The following CR1 variants were observed in gnomAD, a reference collection of about 807,000 sequenced individuals.
CR1 encodes complement C3b/C4b receptor 1 (Knops blood group).
A neutral mutation model predicts 187.3 loss-of-function variants in CR1; 116 were observed. The ratio of observed to expected loss-of-function variants is 0.62; its 90% CI spans 0.53 to 0.72. The LOEUF (loss-of-function observed/expected upper bound fraction) is 0.72. CR1 is among the 30% of genes least tolerant of loss of function. CR1 has a pLI of 0.00. For synonymous variants in CR1, 576 were observed against 747.1 expected, an observed-to-expected ratio of 0.77 and a Z score of 3.73; for missense variants, 1,731 against 2,110.7, an observed-to-expected ratio of 0.82 and a Z score of 3.52.
chr1:207,609,267 T>G, intron 36 of CR1, 23 bp from the exon 37 acceptor site: 1 of 1,542,132 alleles, frequency 6.5e-7, no homozygotes, highest in South Asian at 1.3e-5. Context: ...TAAGCTGTTT[T>G]ACCATACTCT....
intron 24 of CR1, among the ~76,000 whole-genome samples, chr1:207,567,471 A>G (rs1419433231): frequency 6.7e-6 from 1 of 150,320 alleles, no homozygotes; most frequent in Non-Finnish European, 1.5e-5. Context: ...CAGGATCCTG[A>G]TGAAGGGCTG....
In CR1 at chr1:207,618,057, G is replaced by A; in HGVS notation, c.6890-14G>A. On this transcript the variant is annotated splice_polypyrimidine_tract_variant and intron_variant, in intron 41 of 46. Coordinates refer to ENST00000367049, the MANE Select transcript of CR1 (RefSeq NM_000651.6). Reference sequence around the variant, plus strand: ...AGTGTCTTTTCTTGTGTTTGTGTGGGAACTTGTTCTTAGCCTGCCCACATC... The same window carrying A: ...AGTGTCTTTTCTTGTGTTTGTGTGGAAACTTGTTCTTAGCCTGCCCACATC... 1 of 1,608,360 alleles carries A rather than the reference G, an allele frequency of 6.2e-7. No homozygotes were observed. Among genetic ancestry groups the A allele is most frequent in the Non-Finnish European group, 8.5e-7 (1 of 1,176,852 alleles).
At chr1:207,578,957 T>C (rs1283850351) in intron 29 of CR1, among the ~76,000 whole-genome samples, 1 of 152,200 alleles carries the variant, frequency 6.6e-6, no homozygotes, top group African/African-American at 2.4e-5. Context: ...CAGCCTCAGA[T>C]TCCTAGGCTC....
intron 4 of CR1, 132 bp from the exon 5 acceptor site, chr1:207,523,479 A>C: frequency 6.9e-7 from 1 of 1,443,984 alleles, no homozygotes; most frequent in Non-Finnish European, 9.4e-7. Flanking sequence ...CTTTATAAAA[A>C]TGTACCTATG....
chr1:207,506,840 T>A, intron 3 of CR1, 27 bp downstream of exon 3: 1 of 1,555,256 alleles, frequency 6.4e-7, no homozygotes, highest in Non-Finnish European at 8.9e-7. Context: ...TGAACCAACA[T>A]CTCTTGGTTC....
rs1258857703 is a variant in CR1, at chr1:207,611,762, C to T, written c.6381C>T (p.Tyr2127=). 3 of 1,613,894 alleles carry T rather than the reference C, an allele frequency of 1.9e-6. No individual in the cohort carries two copies. The highest frequency in any genetic ancestry group is 1.1e-5 in the South Asian group (1 of 91,086). Residue 2127 remains tyrosine (Y), a synonymous_variant, in exon 38 of 47, where the codon TAC becomes TAT. Transcript: ENST00000367049. ...DNFSPGQEVF[Y]SCEPSYDLRG... ...TTTCACCTGGGCAGGAAGTGTTCTA[C>T]AGCTGTGAGCCCAGCTATGACCTCA...
chr1:207,514,501 A>G (rs1403979188), intron 4 of CR1, among the ~76,000 whole-genome samples: 1 of 152,152 alleles, frequency 6.6e-6, no homozygotes, highest in Non-Finnish European at 1.5e-5. Flanking sequence ...GAGGCCCGGA[A>G]GAGCTCCTTT....
chr1:207,503,329 T>C (rs1659332066), intron 1 of CR1, among the ~76,000 whole-genome samples: 1 of 152,228 alleles, frequency 6.6e-6, no homozygotes, highest in Non-Finnish European at 1.5e-5. Context: ...TACCATTCTC[T>C]TTTTGTATTA....
At position 207,578,033 on chromosome 1, in the gene CR1, C is replaced by G. The variant is rs534561631; in HGVS notation, c.4766C>G (p.Thr1589Arg). Reference protein sequence around the residue: ...APQCIIPNKCTPPNVENGILV... With the variant: ...APQCIIPNKCRPPNVENGILV... ...CAGTGCATTATACCTAACAAATGCA[C>G]GCCTCCAAATGTGGAAAATGGAATA... is the stretch of plus-strand genomic sequence containing the variant. Residue 1589 changes from threonine to arginine, a missense_variant, in exon 29 of 47, where the codon ACG becomes AGG. Transcript: ENST00000367049. 7.4e-6 allele frequency: 12 copies of G among 1,611,600 alleles called. No homozygotes were observed. The Admixed American group carries it at 2.0e-4, about 27-fold the overall frequency.
rs550879336 is a variant in CR1, at chr1:207,587,211, G to A, written c.5531-175G>A. 3.3e-5 allele frequency among the ~76,000 whole-genome samples: 5 copies of A among 152,346 alleles called. No individual in the cohort carries two copies. The South Asian group carries it at 6.2e-4, about 19-fold the overall frequency. On this transcript the variant is annotated intron_variant, in intron 33 of 46. Coordinates refer to ENST00000367049, the MANE Select transcript of CR1 (RefSeq NM_000651.6). ...CAAATAGTAAAAAAAATCCTGCTGA[G>A]TAGATGCATTGAAGAGCTTCATCCC...
intron 1 of CR1, among the ~76,000 whole-genome samples, chr1:207,498,562 C>T (rs1659160394): frequency 6.6e-6 from 1 of 152,080 alleles, no homozygotes; most frequent in Non-Finnish European, 1.5e-5. Flanking sequence ...GAGAGAATTG[C>T]ATCATATAAA....
intron 45 of CR1, among the ~76,000 whole-genome samples, chr1:207,625,245 T>G (rs1237151884): frequency 1.3e-5 from 2 of 152,190 alleles, no homozygotes; most frequent in African/African-American, 4.8e-5. Flanking sequence ...AAAACCTGCC[T>G]CCTATTTTTT....
intron 46 of CR1, among the ~76,000 whole-genome samples, chr1:207,638,571 C>A (rs1339087210): frequency 2.0e-5 from 3 of 152,196 alleles, no homozygotes; most frequent in African/African-American, 7.2e-5. Context: ...CCGACTTGCC[C>A]AATATGCAGC....
At chr1:207,509,233 A>G (rs189394406) in intron 3 of CR1, among the ~76,000 whole-genome samples, 38 of 152,298 alleles carry the variant, frequency 2.5e-4, no homozygotes, top group Admixed American at 6.5e-4. Context: ...AAGTCTAGAC[A>G]TGTTCACCCA....
chr1:207,523,150 A>T (rs1433412219), intron 4 of CR1, among the ~76,000 whole-genome samples: 1 of 152,192 alleles, frequency 6.6e-6, no homozygotes, highest in Non-Finnish European at 1.5e-5. Context: ...ATTCTCATAT[A>T]CATAAAAATA....
At chr1:207,504,192 A>G (rs747972039) in intron 1 of CR1, among the ~76,000 whole-genome samples, 5 of 152,172 alleles carry the variant, frequency 3.3e-5, no homozygotes, top group Non-Finnish European at 5.9e-5. Context: ...GTCTTGGAAC[A>G]TGTCCCCCAA....
rs1452983601 is a variant in CR1 at position 207,640,716 on chromosome 1, T to C, written c.*1307T>C. 1 of 152,232 alleles carries C rather than the reference T, an allele frequency of 6.6e-6. No individual in the cohort carries two copies. The highest frequency in any genetic ancestry group is 2.4e-5 in the African/African-American group (1 of 41,466). The allele number at this position is 152,232 out of a possible 1,614,324, so 9.4% of individuals were successfully genotyped here. A position where few individuals can be genotyped will look rare whatever the true frequency, so the allele number is the denominator to read the frequency against. On this transcript the variant is annotated 3_prime_UTR_variant, in exon 47 of 47. Transcript: ENST00000367049. ...AAATGTGTTATGATATTATGGGCCA[T>C]GCTAATGACCTCTAGAAAACATCAG...
intron 42 of CR1, among the ~76,000 whole-genome samples, chr1:207,619,344 C>T (rs1469835654): frequency 2.2e-5 from 3 of 136,418 alleles, no homozygotes; most frequent in Non-Finnish European, 4.5e-5. Context: ...GATCGCGCCA[C>T]TGCACTCCTG....
chr1:207,619,406 AG>A (rs1246965488), intron 42 of CR1, among the ~76,000 whole-genome samples: 18 of 152,014 alleles, frequency 1.2e-4, no homozygotes, highest in African/African-American at 4.3e-4. Flanking sequence ...AAAAAGAAAA[AG>A]AAAGAAAGAT....
Sources: allele counts gnomAD v4.1 joint callset (sites outside exome capture counted in the v4.1 genomes callset), GRCh38; gene constraint gnomAD v4.1.1; transcripts MANE v1.5; gene names NCBI Gene and HGNC (gene_info 2026-07-23, HGNC 2026-07-21).